Variants in PGM2L1 observed in about 807,000 individuals in gnomAD.
PGM2L1 encodes phosphoglucomutase 2 like 1.
Under a neutral mutation model 73.4 loss-of-function variants are expected in PGM2L1, and 35 were observed. That is an observed-to-expected ratio of 0.48 (90% CI 0.36 to 0.63). The LOEUF (loss-of-function observed/expected upper bound fraction) is 0.63, where lower values mean the gene tolerates loss of function less well. Ranked by LOEUF, PGM2L1 falls within the 30% of genes least tolerant of loss-of-function variation. PGM2L1 has a pLI of 0.00. For synonymous variants in PGM2L1, 225 were observed against 253.8 expected, an observed-to-expected ratio of 0.89 and a Z score of 1.08; for missense variants, 570 against 742.0, an observed-to-expected ratio of 0.77 and a Z score of 2.69.
In PGM2L1 at chr11:74,368,546, A is replaced by G; in HGVS notation, c.501T>C (p.Val167=). ...VPYAVQKLKA[V]AGVMITASHN... is the part of the protein sequence containing the mutation. Reference sequence around the variant, plus strand: ...GAGAGGCAGTAATCATCACACCTGCAACTGCTTTGAGCTTCTGAACTGCAT... The same window carrying G: ...GAGAGGCAGTAATCATCACACCTGCGACTGCTTTGAGCTTCTGAACTGCAT... The change falls in exon 5 of 14, where the codon GTT becomes GTC. Residue 167 remains valine, a synonymous_variant. Coordinates refer to ENST00000298198, the MANE Select transcript of PGM2L1 (RefSeq NM_173582.6). 6.2e-7 allele frequency: 1 copy of G among 1,613,930 alleles called. No homozygotes were observed. Among genetic ancestry groups the G allele is most frequent in the East Asian group, 2.2e-5 (1 of 44,860 alleles).
intron 5 of PGM2L1, chr11:74,355,621 T>C (rs1862437878): frequency 2.2e-6 from 1 of 445,724 alleles, no homozygotes; most frequent in Non-Finnish European, 4.3e-6. Context: ...GCAGAAGCTC[T>C]GGCCCCTATG....
intron 1 of PGM2L1, among the ~76,000 whole-genome samples, chr11:74,393,875 G>T (rs1376138624): frequency 2.0e-5 from 3 of 151,750 alleles, no homozygotes; most frequent in East Asian, 3.9e-4. Context: ...CTTTTAAAAA[G>T]AAAATTCACA....
intron 6 of PGM2L1, among the ~76,000 whole-genome samples, chr11:74,351,102 C>A (rs1444373319): frequency 6.6e-6 from 1 of 152,128 alleles, no homozygotes; most frequent in Admixed American, 6.5e-5. Context: ...TGGCTTCTTT[C>A]ACTTAGCATG....
intron 4 of PGM2L1, among the ~76,000 whole-genome samples, chr11:74,370,488 T>C (rs905000780): frequency 3.9e-5 from 6 of 152,226 alleles, no homozygotes; most frequent in Non-Finnish European, 7.3e-5. Flanking sequence ...AGCAGTTCTT[T>C]GGCATTTGCT....
At chr11:74,363,749 C>A (rs1862605832) in intron 5 of PGM2L1, among the ~76,000 whole-genome samples, 1 of 152,152 alleles carries the variant, frequency 6.6e-6, no homozygotes, top group Admixed American at 6.5e-5. Flanking sequence ...AAGTCCAGGA[C>A]CAGACGGATT....
chr11:74,333,458 TC>T lies in PGM2L1; in HGVS notation c.*3193del, dbSNP rs1862043955. 1 of 152,240 alleles carries T rather than the reference TC, an allele frequency of 6.6e-6. No homozygotes were observed. 9.4% of individuals were successfully genotyped at this position (152,240 alleles called of 1,614,324 possible). A position where few individuals can be genotyped will look rare whatever the true frequency, so the allele number is the denominator to read the frequency against. On this transcript the variant is annotated 3_prime_UTR_variant, in exon 14 of 14. Coordinates refer to ENST00000298198, the MANE Select transcript of PGM2L1 (RefSeq NM_173582.6). ...AACAATCTTTATTCCTTGAACTTTT[TC>T]TCAGAAGTCTTATTTTCTAATCTAC...
In PGM2L1 at chr11:74,370,930, A is replaced by G. The variant is rs1235484030; in HGVS notation, c.443T>C (p.Phe148Ser). The change falls in exon 4 of 14, where the codon TTT becomes TCT. Residue 148 changes from phenylalanine (F) to serine (S), a missense_variant. By Grantham distance (155) the Phe-to-Ser change is radical (BLOSUM62 -2). Transcript: ENST00000298198. ...AAAAGGTGTAGGAACATATCTTGAA[A>G]AAAGGTACACAGGAACATCTTTGGC... is the stretch of plus-strand genomic sequence containing the variant. ...LLAKDVPVYL[F>S]SRYVPTPFVP... The G allele has an allele frequency of 6.2e-7, 1 of 1,613,354 alleles. No individual in the cohort carries two copies. Among genetic ancestry groups the G allele is most frequent in the South Asian group, 1.1e-5 (1 of 91,062 alleles).
intron 2 of PGM2L1, 106 bp downstream of exon 2, chr11:74,374,309 C>T (rs1029691420): frequency 1.1e-6 from 1 of 942,856 alleles, no homozygotes; most frequent in Non-Finnish European, 1.5e-6. Context: ...ATCTCGATCT[C>T]TGGACCTCGT....
At chr11:74,351,709 T>A in intron 5 of PGM2L1, 133 bp from the exon 6 acceptor site, 1 of 721,316 alleles carries the variant, frequency 1.4e-6, no homozygotes, top group Non-Finnish European at 2.1e-6. Flanking sequence ...ACGCCTGTAA[T>A]CTCAGCACTT....
Position 74,393,679 on chromosome 11 carries a change from C to A in PGM2L1, c.111+4372G>T, listed in dbSNP as rs77861105. Reference sequence around the variant, plus strand: ...TTCTGAGACCACAGTGCTCTACTTGCTATTTCTTAAAATGCCGTGGCCAAT... The same window carrying A: ...TTCTGAGACCACAGTGCTCTACTTGATATTTCTTAAAATGCCGTGGCCAAT... On this transcript the variant is annotated intron_variant, in intron 1 of 13. Coordinates refer to ENST00000298198, the MANE Select transcript of PGM2L1 (RefSeq NM_173582.6). Among the ~76,000 whole-genome samples, 575 of 152,270 alleles carry A rather than the reference C, an allele frequency of 3.8e-3. 3 individuals are homozygous for A. Among genetic ancestry groups the A allele is most frequent in the Non-Finnish European group, 5.8e-3 (392 of 68,012 alleles).
chr11:74,396,805 C>G (rs1863184168), intron 1 of PGM2L1, among the ~76,000 whole-genome samples: 1 of 152,184 alleles, frequency 6.6e-6, no homozygotes, highest in Non-Finnish European at 1.5e-5. Flanking sequence ...TCTATAAGCA[C>G]ATTAAGGTTT....
chr11:74,397,966 A>G (rs1863204873), intron 1 of PGM2L1, 85 bp downstream of exon 1: 3 of 1,437,952 alleles, frequency 2.1e-6, no homozygotes, highest in East Asian at 5.2e-5. Flanking sequence ...TCTCCTCTGC[A>G]GCCCGCGGGG....
intron 5 of PGM2L1, among the ~76,000 whole-genome samples, chr11:74,360,741 C>A (rs1419827143): frequency 6.6e-6 from 1 of 152,214 alleles, no homozygotes; most frequent in Non-Finnish European, 1.5e-5. Context: ...AAACCGCACA[C>A]CAGGAGATTA....
intron 3 of PGM2L1, 132 bp downstream of exon 3, chr11:74,371,579 G>C: frequency 1.6e-6 from 1 of 615,882 alleles, no homozygotes; most frequent in Non-Finnish European, 2.7e-6. Context: ...CAGCTTTAAA[G>C]TAAATATTAG....
intron 1 of PGM2L1, among the ~76,000 whole-genome samples, chr11:74,382,767 G>A (rs768577242): frequency 6.6e-6 from 1 of 152,132 alleles, no homozygotes; most frequent in Admixed American, 6.6e-5. Flanking sequence ...CCAAAGTGCT[G>A]AGATTACAGG....
chr11:74,371,090 TC>T, intron 3 of PGM2L1, 104 bp from the exon 4 acceptor site: 1 of 751,488 alleles, frequency 1.3e-6, no homozygotes, highest in Non-Finnish European at 2.2e-6. Context: ...ATAAATAGTA[TC>T]CTAATATAGC....
intron 1 of PGM2L1, among the ~76,000 whole-genome samples, chr11:74,382,713 G>A (rs60147506): frequency 6.6e-6 from 1 of 151,998 alleles, no homozygotes; most frequent in East Asian, 1.9e-4. Flanking sequence ...TGCCTAGGCT[G>A]GGCTTGAACT....
intron 9 of PGM2L1, among the ~76,000 whole-genome samples, chr11:74,345,015 G>A (rs909817005): frequency 2.0e-5 from 3 of 152,174 alleles, no homozygotes; most frequent in African/African-American, 7.2e-5. Context: ...TGGGCTGAGA[G>A]AGAGCCACTG....
chr11:74,342,395 TG>T, intron 12 of PGM2L1, 65 bp downstream of exon 12: 1 of 1,257,268 alleles, frequency 8.0e-7, no homozygotes, highest in Non-Finnish European at 1.1e-6. Flanking sequence ...GTCCTGCCTC[TG>T]GACTTTTTGG....
Sources: gnomAD v4.1 joint callset for allele counts (sites outside exome capture counted in the v4.1 genomes callset) on GRCh38, gnomAD v4.1.1 for gene constraint, MANE v1.5 for transcripts, NCBI Gene and HGNC (gene_info 2026-07-23, HGNC 2026-07-21) for gene names.